SEC24A: variants seen among roughly 807,000 people sequenced by gnomAD.
SEC24A encodes SEC24 homolog A, COPII component, also known as protein transport protein Sec24A.
Under a neutral mutation model 129.4 loss-of-function variants are expected in SEC24A, and 93 were observed. The ratio of observed to expected loss-of-function variants is 0.72; its 90% CI spans 0.61 to 0.85. SEC24A has a LOEUF of 0.85. SEC24A is among the 40% of genes least tolerant of loss of function. The pLI is 0.00. For missense variants in SEC24A, 1,264 were observed against 1,307.4 expected (o/e 0.97, Z 0.51); for synonymous variants, 460 against 467.3 (o/e 0.98, Z 0.20).
chr5:134,666,810 AAT>A lies in SEC24A; in HGVS notation c.566-12_566-11del, dbSNP rs765882294. ...GTTCTCAAGTGACGTGTGAAAAACC[AAT>A]GTTTCCATAGGTCCTTCTGTACCTC... On this transcript the variant is annotated splice_polypyrimidine_tract_variant and intron_variant, in intron 2 of 22. Transcript: ENST00000398844. The A allele has an allele frequency of 2.4e-5, 38 of 1,613,340 alleles. No individual in the cohort carries two copies. In the South Asian group the frequency reaches 3.6e-4, roughly 15 times the overall value.
At chr5:134,687,487 C>T (rs1751492152) in intron 10 of SEC24A, among the ~76,000 whole-genome samples, 1 of 152,132 alleles carries the variant, frequency 6.6e-6, no homozygotes, top group Non-Finnish European at 1.5e-5. Context: ...CCTAGTGTAA[C>T]CCATCAAAGC....
chr5:134,720,950 C>A, intron 20 of SEC24A, 48 bp from the exon 21 acceptor site: 1 of 1,005,100 alleles, frequency 9.9e-7, no homozygotes, highest in South Asian at 1.3e-5. Context: ...TCAACAGACT[C>A]ACCTTTATGT....
intron 4 of SEC24A, among the ~76,000 whole-genome samples, chr5:134,672,892 T>A (rs1418474088): frequency 2.0e-5 from 3 of 151,710 alleles, no homozygotes; most frequent in Non-Finnish European, 4.4e-5. Flanking sequence ...TATGGTACCA[T>A]GCCAGGCTAG....
At position 134,693,795 on chromosome 5, in the gene SEC24A, G is replaced by C. The variant is rs764552249; in HGVS notation, c.1848G>C (p.Leu616Phe). Residue 616 changes from leucine to phenylalanine, a missense_variant, in exon 13 of 23, where the codon TTG becomes TTC. Leu to Phe is a conservative substitution (Grantham distance 22). Coordinates refer to ENST00000398844, the MANE Select transcript of SEC24A (RefSeq NM_021982.3). ...AGACTCTGGAGACCCAGAGTGCCTT[G>C]GGTCCTGCACTGCAGGCTGCCTTTA... ...FTKTLETQSA[L>F]GPALQAAFKL... The C allele has an allele frequency of 6.2e-7, 1 of 1,614,148 alleles. No individual in the cohort carries two copies. The highest frequency in any genetic ancestry group is 2.2e-5 in the East Asian group (1 of 44,882).
intron 15 of SEC24A, among the ~76,000 whole-genome samples, chr5:134,701,756 G>A (rs1752015480): frequency 6.6e-6 from 1 of 152,052 alleles, no homozygotes; most frequent in Non-Finnish European, 1.5e-5. Flanking sequence ...TGATCTGCCT[G>A]CCTTGTCCTC....
rs750982328 is a variant in SEC24A, at chr5:134,697,118, A to T, written c.1987-8A>T. 1 of 1,418,566 alleles carries T rather than the reference A, an allele frequency of 7.0e-7. No individual in the cohort carries two copies. Among genetic ancestry groups the T allele is most frequent in the Non-Finnish European group, 9.7e-7 (1 of 1,033,116 alleles). 87.9% of individuals were successfully genotyped at this position (1,418,566 alleles called of 1,614,324 possible). A position where few individuals can be genotyped will look rare whatever the true frequency, so the allele number is the denominator to read the frequency against. On this transcript the variant is annotated splice_region_variant and splice_polypyrimidine_tract_variant and intron_variant, in intron 13 of 22. Transcript: ENST00000398844. ...TTAAAATGTCTCTTTATAATTTATT[A>T]TAAATAGGATATACACATGACACCA...
At position 134,671,861 on chromosome 5, in the gene SEC24A, C is replaced by T. The variant is rs371659905; in HGVS notation, c.792C>T (p.Asp264=). The T allele has an allele frequency of 1.7e-5, 27 of 1,608,162 alleles. No individual in the cohort carries two copies. The highest frequency in any genetic ancestry group is 3.3e-4 in the Middle Eastern group (2 of 6,048). ...NGSMVVHSSY[D]EIEGGGLLAT... is the part of the protein sequence containing the mutation. ...CTATGGTGGTCCACAGTAGTTACGA[C>T]GAGATTGAAGGAGGTGGCTTATTGG... The change falls in exon 4 of 23, where the codon GAC becomes GAT. Residue 264 remains aspartate (D), a synonymous_variant. Coordinates refer to ENST00000398844, the MANE Select transcript of SEC24A (RefSeq NM_021982.3).
intron 11 of SEC24A, among the ~76,000 whole-genome samples, chr5:134,690,466 A>G (rs1257767145): frequency 6.6e-6 from 1 of 152,150 alleles, no homozygotes; most frequent in East Asian, 1.9e-4. Context: ...GGCACACGCT[A>G]CCACGCCCAG....
chr5:134,714,482 A>G (rs561144359), intron 18 of SEC24A, among the ~76,000 whole-genome samples: 1 of 152,352 alleles, frequency 6.6e-6, no homozygotes, highest in East Asian at 1.9e-4. Flanking sequence ...TCTAGGTTGC[A>G]TACTCTTTAT....
chr5:134,690,710 T>G (rs1751616039), intron 11 of SEC24A, among the ~76,000 whole-genome samples: 1 of 152,224 alleles, frequency 6.6e-6, no homozygotes, highest in Non-Finnish European at 1.5e-5. Context: ...TTTGCTCCCT[T>G]TCTAAGGAAG....
At chr5:134,674,120 G>A (rs1037783755) in intron 4 of SEC24A, among the ~76,000 whole-genome samples, 1 of 152,036 alleles carries the variant, frequency 6.6e-6, no homozygotes, top group Non-Finnish European at 1.5e-5. Flanking sequence ...GCGACAGAGT[G>A]AGACTCCATC....
chr5:134,726,404 T>C lies in SEC24A; in HGVS notation c.*1310T>C, dbSNP rs985446931. ...ACTTGATCAAAATATTTTTGGGTTT[T>C]TTGTTTTGTTTTAATGGGTTAGAAA... On this transcript the variant is annotated 3_prime_UTR_variant, in exon 23 of 23. Coordinates refer to ENST00000398844, the MANE Select transcript of SEC24A (RefSeq NM_021982.3). 1 of 152,558 alleles carries C rather than the reference T, an allele frequency of 6.6e-6. No individual in the cohort carries two copies. Among genetic ancestry groups the C allele is most frequent in the East Asian group, 1.9e-4 (1 of 5,200 alleles). 9.5% of individuals were successfully genotyped at this position (152,558 alleles called of 1,614,324 possible).
chr5:134,655,573 CAGG>C (rs2150067956), intron 1 of SEC24A, among the ~76,000 whole-genome samples: 1 of 152,126 alleles, frequency 6.6e-6, no homozygotes, highest in East Asian at 1.9e-4. Flanking sequence ...TGATTCTCAG[CAGG>C]AGAATCACTT....
At chr5:134,687,433 GTCT>G (rs1476058841) in intron 10 of SEC24A, among the ~76,000 whole-genome samples, 2 of 152,182 alleles carry the variant, frequency 1.3e-5, no homozygotes, top group African/African-American at 4.8e-5. Context: ...GTTATCAAGT[GTCT>G]TAAGTCTCTT....
In SEC24A at chr5:134,674,720, C is replaced by G. The variant is rs376916049; in HGVS notation, c.923C>G (p.Thr308Ser). 3.4e-5 allele frequency: 55 copies of G among 1,613,968 alleles called. No individual in the cohort carries two copies. The highest frequency in any genetic ancestry group is 4.5e-5 in the Non-Finnish European group (53 of 1,179,984). The change falls in exon 5 of 23, where the codon ACT becomes AGT. Residue 308 changes from threonine to serine, a missense_variant. Coordinates refer to ENST00000398844, the MANE Select transcript of SEC24A (RefSeq NM_021982.3). ...GYQNTTPPGA[T>S]GVPPSSLNYP... The stretch of plus-strand genomic sequence containing the variant: ...CAGAACACAACACCACCTGGTGCAA[C>G]TGGAGTACCACCCTCTTCCTTGAAT...
rs1561823194 is a variant in SEC24A at position 134,697,234 on chromosome 5, T to C, written c.2095T>C (p.Leu699=). The change falls in exon 14 of 23, where the codon TTG becomes CTG. Residue 699 remains leucine, a synonymous_variant. Transcript: ENST00000398844. The part of the protein sequence containing the change: ...LFLLSGQYSD[L]ASLGCISRYS... Reference sequence around the variant, plus strand: ...CCTTCTCAGTGGACAGTATTCTGATTTGGCTTCTCTGGGTAAGTTCTTCGT... The same window carrying C: ...CCTTCTCAGTGGACAGTATTCTGATCTGGCTTCTCTGGGTAAGTTCTTCGT... The C allele has an allele frequency of 6.3e-7, 1 of 1,597,552 alleles. No individual in the cohort carries two copies. Among genetic ancestry groups the C allele is most frequent in the Non-Finnish European group, 8.6e-7 (1 of 1,168,300 alleles).
chr5:134,657,209 C>T (rs1750280549), intron 1 of SEC24A, among the ~76,000 whole-genome samples: 1 of 151,538 alleles, frequency 6.6e-6, no homozygotes, highest in Non-Finnish European at 1.5e-5. Context: ...CACACACACA[C>T]ACACAACCAA....
At chr5:134,660,043 G>T (rs1007308730) in intron 1 of SEC24A, among the ~76,000 whole-genome samples, 1 of 151,956 alleles carries the variant, frequency 6.6e-6, no homozygotes, top group Non-Finnish European at 1.5e-5. Flanking sequence ...TGGCTTGAAG[G>T]CACCTCTTTA....
intron 7 of SEC24A, among the ~76,000 whole-genome samples, chr5:134,678,172 T>C (rs929140936): frequency 1.3e-5 from 2 of 152,070 alleles, no homozygotes; most frequent in African/African-American, 4.8e-5. Context: ...ACTGTAGGCA[T>C]TGGCCACTAT....
Sources: gnomAD v4.1 joint callset for allele counts (sites outside exome capture counted in the v4.1 genomes callset) on GRCh38, gnomAD v4.1.1 for gene constraint, MANE v1.5 for transcripts, NCBI Gene and HGNC (gene_info 2026-07-23, HGNC 2026-07-21) for gene names.